WWOX: variants seen among roughly 807,000 people sequenced by gnomAD.
WWOX encodes the protein WW domain-containing oxidoreductase.
A neutral mutation model predicts 46.2 loss-of-function variants in WWOX; 69 were observed. The observed-to-expected ratio is 1.49, with a 90% CI of 1.23 to 1.82. The LOEUF (loss-of-function observed/expected upper bound fraction) is 1.82, where lower values mean the gene tolerates loss of function less well. WWOX is among the 40% of genes most tolerant of loss of function. The probability of loss-of-function intolerance (pLI) is 0.00; values close to 1 mark genes in which losing one functional copy is unlikely to be tolerated. For synonymous variants in WWOX, 359 were observed against 202.6 expected, an observed-to-expected ratio of 1.77 and a Z score of -6.56; for missense variants, 919 against 542.6, an observed-to-expected ratio of 1.69 and a Z score of -6.89.
chr16:78,189,811 C>T (rs1042065213), intron 5 of WWOX, among the ~76,000 whole-genome samples: 13 of 152,060 alleles, frequency 8.5e-5, no homozygotes, highest in African/African-American at 2.7e-4. Flanking sequence ...CCTGCCACCA[C>T]GCTCAGCTAA....
At chr16:78,878,218 A>T (rs888178800) in intron 8 of WWOX, among the ~76,000 whole-genome samples, 3 of 152,152 alleles carry the variant, frequency 2.0e-5, no homozygotes, top group Non-Finnish European at 4.4e-5. Flanking sequence ...CCTGAGCCAC[A>T]ACTCCTTAGC....
At chr16:78,907,175 C>A (rs1226080707) in intron 8 of WWOX, among the ~76,000 whole-genome samples, 1 of 151,902 alleles carries the variant, frequency 6.6e-6, no homozygotes. Context: ...TGCTGATGGG[C>A]TGTGGATGCA....
intron 8 of WWOX, among the ~76,000 whole-genome samples, chr16:78,861,448 T>G (rs2043883497): frequency 6.6e-6 from 1 of 152,226 alleles, no homozygotes; most frequent in Admixed American, 6.5e-5. Flanking sequence ...CCAGATTCAG[T>G]AATTATTACA....
intron 8 of WWOX, among the ~76,000 whole-genome samples, chr16:79,113,024 G>T (rs1483439238): frequency 1.3e-5 from 2 of 152,240 alleles, no homozygotes; most frequent in African/African-American, 2.4e-5. Flanking sequence ...TGCCAGCCCA[G>T]TGCCAGGTGC....
intron 4 of WWOX, among the ~76,000 whole-genome samples, chr16:78,161,503 G>T (rs1156643516): frequency 6.6e-6 from 1 of 151,736 alleles, no homozygotes; most frequent in South Asian, 2.1e-4. Context: ...CTGGAGTGCA[G>T]TGGCATAATC....
intron 5 of WWOX, among the ~76,000 whole-genome samples, chr16:78,300,719 A>T (rs555330881): frequency 6.6e-6 from 1 of 152,264 alleles, no homozygotes; most frequent in African/African-American, 2.4e-5. Context: ...TACCATCAAG[A>T]TAACGTTTTT....
Position 78,540,531 on chromosome 16 carries a change from A to G in WWOX, c.1056+107779A>G, listed in dbSNP as rs968307475. Among the ~76,000 whole-genome samples, 3 of 152,266 alleles carry G rather than the reference A, an allele frequency of 2.0e-5. No individual in the cohort carries two copies. The South Asian group carries it at 6.2e-4, about 32-fold the overall frequency. ...GTTTTATTTTGGACAGATAAACAAC[A>G]TGTCATTTTACCAATTGCTCATTAA... is the stretch of plus-strand genomic sequence containing the variant. On this transcript the variant is annotated intron_variant, in intron 8 of 8. Transcript: ENST00000566780.
chr16:78,991,994 G>C (rs2046896481), intron 8 of WWOX, among the ~76,000 whole-genome samples: 2 of 152,128 alleles, frequency 1.3e-5, no homozygotes, highest in African/African-American at 4.8e-5. Context: ...CAGGGGGTTG[G>C]GAAACTCACC....
chr16:78,213,506 A>G (rs1039393092), intron 5 of WWOX, among the ~76,000 whole-genome samples: 3 of 151,914 alleles, frequency 2.0e-5, no homozygotes, highest in African/African-American at 7.3e-5. Context: ...ACTTATGAGC[A>G]GCGCTCACAA....
At chr16:78,176,457 G>A (rs747442331) in intron 5 of WWOX, among the ~76,000 whole-genome samples, 6 of 152,136 alleles carry the variant, frequency 3.9e-5, no homozygotes, top group Non-Finnish European at 8.8e-5. Context: ...TTAAATGGCA[G>A]GGGAACCATG....
At position 78,983,157 on chromosome 16, in the gene WWOX, A is replaced by G. The variant is rs563767501; in HGVS notation, c.1057-228451A>G. Among the ~76,000 whole-genome samples, 82 of 152,316 alleles carry G rather than the reference A, an allele frequency of 5.4e-4. No individual in the cohort carries two copies. The Middle Eastern group carries it at 0.01, about 19-fold the overall frequency. On this transcript the variant is annotated intron_variant, in intron 8 of 8. Coordinates refer to ENST00000566780, the MANE Select transcript of WWOX (RefSeq NM_016373.4). ...TTTTCCCACCAAGGCATCAAACTCCATCGTTAGGAATTCCTTCATAGAATC... is the reference window on the plus strand; with the variant it reads ...TTTTCCCACCAAGGCATCAAACTCCGTCGTTAGGAATTCCTTCATAGAATC...
chr16:78,700,310 G>A (rs977886360), intron 8 of WWOX, among the ~76,000 whole-genome samples: 14 of 93,164 alleles, frequency 1.5e-4, no homozygotes, highest in African/African-American at 5.6e-4. Context: ...TCACTTAGTA[G>A]ACAGAGAGAG....
chr16:78,856,217 A>G (rs563886576), intron 8 of WWOX, among the ~76,000 whole-genome samples: 1 of 152,272 alleles, frequency 6.6e-6, no homozygotes, highest in African/African-American at 2.4e-5. Context: ...GGAAAATGAT[A>G]AGGATTTAGG....
At chr16:78,837,266 ACCTTTCAACGCGAGTTTCATTTTCATTT>A (rs2052013046) in intron 8 of WWOX, among the ~76,000 whole-genome samples, 1 of 152,216 alleles carries the variant, frequency 6.6e-6, no homozygotes, top group African/African-American at 2.4e-5. Flanking sequence ...CATAGAGATT[ACCTTTCAACGCGAGTTTCATTTTCATTT>A]CTTCCAACAC....
intron 8 of WWOX, among the ~76,000 whole-genome samples, chr16:78,637,036 C>A (rs1199625117): frequency 6.6e-6 from 1 of 152,164 alleles, no homozygotes; most frequent in East Asian, 1.9e-4. Flanking sequence ...CTGTCCAATC[C>A]CTGCTCATCT....
intron 8 of WWOX, among the ~76,000 whole-genome samples, chr16:78,717,611 G>A (rs557862936): frequency 6.6e-6 from 1 of 152,264 alleles, no homozygotes; most frequent in East Asian, 1.9e-4. Flanking sequence ...TTTGATGAAT[G>A]AATAGGAGTT....
At position 78,955,475 on chromosome 16, in the gene WWOX, T is replaced by C. The variant is rs144216590; in HGVS notation, c.1057-256133T>C. 1.6e-3 allele frequency among the ~76,000 whole-genome samples: 238 copies of C among 152,138 alleles called. 1 individual carries two copies. Among genetic ancestry groups the C allele is most frequent in the African/African-American group, 5.4e-3 (224 of 41,500 alleles). ...CTATTTTTACTGGAGCATGTGAGGGTGGATCACAACTAGGATGGCGCGAAG... is the reference window on the plus strand; with the variant it reads ...CTATTTTTACTGGAGCATGTGAGGGCGGATCACAACTAGGATGGCGCGAAG... On this transcript the variant is annotated intron_variant, in intron 8 of 8. Coordinates refer to ENST00000566780, the MANE Select transcript of WWOX (RefSeq NM_016373.4).
At chr16:78,548,709 G>A (rs988915213) in intron 8 of WWOX, among the ~76,000 whole-genome samples, 4 of 152,240 alleles carry the variant, frequency 2.6e-5, no homozygotes, top group East Asian at 1.9e-4. Flanking sequence ...AATTAATTTT[G>A]GAGATGAAAT....
In WWOX at chr16:79,212,461, A is replaced by AAATC. The variant is rs1476593357; in HGVS notation, c.*667_*670dup. The AAATC allele has an allele frequency of 5.3e-5, 13 of 246,304 alleles. No homozygotes were observed. The highest frequency in any genetic ancestry group is 1.3e-4 in the African/African-American group (6 of 45,700). 15.3% of individuals were successfully genotyped at this position (246,304 alleles called of 1,614,324 possible). On this transcript the variant is annotated 3_prime_UTR_variant, in exon 9 of 9. Transcript: ENST00000566780. ...CTTTAGAGATTATAACAAATTTTTCAAATCATTCCTTAGATACCTTGAAAG... is the reference window on the plus strand; with the variant it reads ...CTTTAGAGATTATAACAAATTTTTCAAATCAATCATTCCTTAGATACCTTGAAAG...
Sources: allele counts gnomAD v4.1 joint callset (sites outside exome capture counted in the v4.1 genomes callset), GRCh38; gene constraint gnomAD v4.1.1; transcripts MANE v1.5; gene names NCBI Gene and HGNC (gene_info 2026-07-23, HGNC 2026-07-21).